TEX9: variants seen among roughly 807,000 people sequenced by gnomAD.
The protein encoded by TEX9 is testis expressed 9.
TEX9 carries 74 observed loss-of-function variants against 59.6 expected under a neutral mutation model. The ratio of observed to expected loss-of-function variants is 1.24; its 90% confidence interval spans 1.03 to 1.51. TEX9 has a LOEUF of 1.51. TEX9 is among the 40% of genes most tolerant of loss of function. The pLI, the probability that TEX9 is intolerant of heterozygous loss-of-function variation, is 0.00. For missense variants in TEX9, 522 were observed against 447.8 expected, an observed-to-expected ratio of 1.17 and a Z score of -1.49; for synonymous variants, 186 against 152.2, an observed-to-expected ratio of 1.22 and a Z score of -1.64.
chr15:56,444,472 C>A, intron 12 of TEX9: 2 of 1,607,200 alleles, frequency 1.2e-6, no homozygotes, highest in Non-Finnish European at 1.7e-6. Flanking sequence ...ATCTTCCTAA[C>A]AATTTCATCA....
intron 1 of TEX9, among the ~76,000 whole-genome samples, chr15:56,345,805 C>T (rs1234616407): frequency 1.3e-5 from 2 of 152,180 alleles, no homozygotes; most frequent in African/African-American, 2.4e-5. Context: ...CTAGTAATAG[C>T]TTTGGGGCAA....
At chr15:56,300,698 A>G (rs201669661) in intron 1 of TEX9, among the ~76,000 whole-genome samples, 3,345 of 60,760 alleles carry the variant, frequency 0.055, 186 homozygotes, top group African/African-American at 0.16. Flanking sequence ...AGAGAGAGAG[A>G]GAGAGAGAGG....
At chr15:56,387,150 A>C (rs181790176) in intron 4 of TEX9, among the ~76,000 whole-genome samples, 1 of 152,038 alleles carries the variant, frequency 6.6e-6, no homozygotes, top group East Asian at 1.9e-4. Context: ...GGAGTTAAAC[A>C]AAAGTAAGAA....
At chr15:56,250,490 A>G (rs1260481365) in intron 1 of TEX9, among the ~76,000 whole-genome samples, 1 of 152,234 alleles carries the variant, frequency 6.6e-6, no homozygotes, top group East Asian at 1.9e-4. Flanking sequence ...AATTGGAGTG[A>G]ACAGCTGATG....
chr15:56,409,653 A>C (rs1346906793), intron 9 of TEX9: 3 of 149,812 alleles, frequency 2.0e-5, no homozygotes, highest in Non-Finnish European at 4.5e-5. Context: ...TACATATGCC[A>C]CAATGTCCAG....
chr15:56,320,534 T>G (rs1386014011), intron 1 of TEX9, among the ~76,000 whole-genome samples: 1 of 151,998 alleles, frequency 6.6e-6, no homozygotes, highest in Non-Finnish European at 1.5e-5. Context: ...CAAGAGCACA[T>G]ATGCATGAGA....
At chr15:56,335,880 T>A (rs1440439760) in intron 1 of TEX9, among the ~76,000 whole-genome samples, 1 of 151,860 alleles carries the variant, frequency 6.6e-6, no homozygotes, top group Non-Finnish European at 1.5e-5. Flanking sequence ...AAATATGACT[T>A]ATATAAGTTT....
Position 56,365,498 on chromosome 15 carries a change from C to T in TEX9, c.27+21C>T, listed in dbSNP as rs201023340. ...TCACGGTCAGTTCAACTCCAGGCTC[C>T]TGGGGAGCGTCTGGGTTCCGGCGAC... On this transcript the variant is annotated intron_variant, in intron 1 of 12. Coordinates refer to ENST00000352903, the Ensembl canonical transcript of TEX9. The T allele has an allele frequency of 1.9e-6, 3 of 1,614,190 alleles. No individual in the cohort carries two copies. The South Asian group carries it at 3.3e-5, about 18-fold the overall frequency.
At chr15:56,431,221 A>C in intron 12 of TEX9, 2 of 739,144 alleles carry the variant, frequency 2.7e-6, no homozygotes, top group Non-Finnish European at 4.3e-6. Flanking sequence ...AAATGGGCCC[A>C]GAGAGGTTCA....
intron 1 of TEX9, among the ~76,000 whole-genome samples, chr15:56,265,253 A>G (rs2044354195): frequency 6.6e-6 from 1 of 150,628 alleles, no homozygotes; most frequent in South Asian, 2.1e-4. Flanking sequence ...GTAACCTTGA[A>G]CTCCTGGATG....
At chr15:56,389,344 A>G (rs931342777) in exon 6 of TEX9, 2 of 1,611,276 alleles carry the variant, frequency 1.2e-6, no homozygotes, top group African/African-American at 1.3e-5. Context: ...TTGATCCTGT[A>G]AACAAGGTTC....
At chr15:56,330,442 G>A (rs1336722754) in intron 1 of TEX9, among the ~76,000 whole-genome samples, 2 of 152,058 alleles carry the variant, frequency 1.3e-5, no homozygotes, top group Non-Finnish European at 2.9e-5. Context: ...ACTAAGTGAT[G>A]AACCAATCAA....
intron 1 of TEX9, among the ~76,000 whole-genome samples, chr15:56,264,856 A>G (rs2141361866): frequency 6.6e-6 from 1 of 152,340 alleles, no homozygotes; most frequent in South Asian, 2.1e-4. Context: ...TTAGAAAGAT[A>G]ATCAGTCTTT....
intron 12 of TEX9, among the ~76,000 whole-genome samples, chr15:56,436,176 C>T (rs1337467954): frequency 6.6e-6 from 1 of 152,164 alleles, no homozygotes; most frequent in Non-Finnish European, 1.5e-5. Context: ...CCACACCGCA[C>T]TTATTCCAAA....
chr15:56,295,916 C>T (rs2045206653), intron 1 of TEX9, among the ~76,000 whole-genome samples: 1 of 152,302 alleles, frequency 6.6e-6, no homozygotes, highest in African/African-American at 2.4e-5. Flanking sequence ...AAACCAAAGG[C>T]TTTGTTACGC....
intron 1 of TEX9, among the ~76,000 whole-genome samples, chr15:56,287,101 A>G (rs1436965054): frequency 6.6e-6 from 1 of 152,182 alleles, no homozygotes; most frequent in African/African-American, 2.4e-5. Context: ...AGTTTTCAAT[A>G]AATGAAATAA....
intron 1 of TEX9, among the ~76,000 whole-genome samples, chr15:56,339,057 C>T (rs2046313749): frequency 6.6e-6 from 1 of 151,770 alleles, no homozygotes; most frequent in African/African-American, 2.4e-5. Flanking sequence ...CCTAGTAGTC[C>T]TGGTATTTTC....
At chr15:56,425,997 C>T (rs1355176895) in intron 10 of TEX9, among the ~76,000 whole-genome samples, 5 of 152,094 alleles carry the variant, frequency 3.3e-5, no homozygotes, top group African/African-American at 1.2e-4. Context: ...TCCTAATTAC[C>T]TAAAAATCTC....
the TEX9 span, among the ~76,000 whole-genome samples, chr15:56,453,213 A>C: frequency 6.6e-6 from 1 of 152,178 alleles, no homozygotes; most frequent in African/African-American, 2.4e-5. Context: ...TTCCCAAAAG[A>C]CATAATAAAT....
Sources: allele counts gnomAD v4.1 joint callset (sites outside exome capture counted in the v4.1 genomes callset), GRCh38; gene constraint gnomAD v4.1.1; transcripts MANE v1.5; gene names NCBI Gene and HGNC (gene_info 2026-07-23, HGNC 2026-07-21).